EYA3: variants seen among roughly 807,000 people sequenced by gnomAD.
EYA3 encodes the protein EYA transcriptional coactivator and phosphatase 3, also known as protein phosphatase EYA3.
A neutral mutation model predicts 80.0 loss-of-function variants in EYA3; 39 were observed. That is an observed-to-expected ratio of 0.49 (90% confidence interval 0.38 to 0.64). EYA3 has a LOEUF of 0.64. Among genes scored for constraint, EYA3 ranks in the 30% least tolerant of loss-of-function variants. EYA3 has a pLI of 0.00. For missense variants in EYA3, 523 were observed against 676.1 expected (o/e 0.77, Z 2.51); for synonymous variants, 206 against 232.8 (o/e 0.88, Z 1.05).
intron 1 of EYA3, among the ~76,000 whole-genome samples, chr1:28,079,263 C>T (rs1027130085): frequency 6.6e-6 from 1 of 152,216 alleles, no homozygotes; most frequent in African/African-American, 2.4e-5. Context: ...GATATTTCTA[C>T]GCCCTTTCCC....
rs1638915757 is a variant in EYA3 at position 27,976,053 on chromosome 1, AAC to A, written c.1642-1509_1642-1508del. Among the ~76,000 whole-genome samples, 4 of 152,210 alleles carry A rather than the reference AAC, an allele frequency of 2.6e-5. No individual in the cohort carries two copies. The South Asian group carries it at 8.3e-4, about 32-fold the overall frequency. On this transcript the variant is annotated intron_variant, in intron 17 of 17. Coordinates refer to ENST00000373871, the MANE Select transcript of EYA3 (RefSeq NM_001990.4). ...GTTACTCAGAATATTGAGGTCCTAG[AAC>A]ACAGTTATTTTGGCATATACCCTAG...
chr1:28,056,718 T>C (rs907036828), intron 2 of EYA3, among the ~76,000 whole-genome samples: 7 of 152,198 alleles, frequency 4.6e-5, no homozygotes, highest in Admixed American at 6.5e-5. Context: ...GCAGAAGAGA[T>C]AGATGACTTG....
At chr1:28,075,943 T>C (rs1245872264) in intron 1 of EYA3, among the ~76,000 whole-genome samples, 4 of 152,182 alleles carry the variant, frequency 2.6e-5, no homozygotes, top group African/African-American at 9.7e-5. Flanking sequence ...ACATATCCAC[T>C]CAGAATCCTT....
chr1:28,023,523 C>T (rs1210607382), intron 7 of EYA3, among the ~76,000 whole-genome samples: 1 of 152,156 alleles, frequency 6.6e-6, no homozygotes, highest in Admixed American at 6.5e-5. Flanking sequence ...TGTGACCTTC[C>T]TCCTTAAAAT....
chr1:28,007,341 T>C lies in EYA3; in HGVS notation c.910-2922A>G, dbSNP rs182194761. Among the ~76,000 whole-genome samples, 285 of 149,004 alleles carry C rather than the reference T, an allele frequency of 1.9e-3. 2 individuals are homozygous for C. Among genetic ancestry groups the C allele is most frequent in the Admixed American group, 5.7e-3 (86 of 15,070 alleles). On this transcript the variant is annotated intron_variant, in intron 10 of 17. Transcript: ENST00000373871. ...GCTGTATTTCTTTCTTTCTTTCTTT[T>C]TTTTTTTTTTTCCGAGACAGTCTTG...
chr1:27,976,818 A>G (rs1248977192), intron 17 of EYA3, among the ~76,000 whole-genome samples: 3 of 152,134 alleles, frequency 2.0e-5, no homozygotes, highest in African/African-American at 7.2e-5. Flanking sequence ...TCAGGGTTCA[A>G]GCAATTCTTG....
chr1:28,069,667 G>A (rs1644956196), intron 1 of EYA3, among the ~76,000 whole-genome samples: 1 of 150,788 alleles, frequency 6.6e-6, no homozygotes, highest in Non-Finnish European at 1.5e-5. Flanking sequence ...AGGAAGAGAG[G>A]AGGGGGGAAA....
At chr1:27,986,772 G>A (rs1286407266) in intron 16 of EYA3, among the ~76,000 whole-genome samples, 6 of 151,660 alleles carry the variant, frequency 4.0e-5, no homozygotes, top group Non-Finnish European at 7.4e-5. Context: ...GTGCAATCTC[G>A]GCTCACTGCA....
rs1641658880 is a variant in EYA3, at chr1:28,011,055, C to A, written c.801G>T (p.Gln267His). The change falls in exon 10 of 18, where the codon CAG becomes CAT. Residue 267 changes from glutamine to histidine, a missense_variant. Gln to His is a conservative substitution (Grantham distance 24). Around this residue, in one of 2 missense-constraint regions of EYA3, gnomAD observed 304 missense variants for 343.3 expected, o/e 0.89. Coordinates refer to ENST00000373871, the MANE Select transcript of EYA3 (RefSeq NM_001990.4). ...CATCAGTATCTTTACTTGGTGTAGT[C>A]TGGGACAAAGATGGACTTGTAGAAG... Reference protein sequence around the residue: ...GDPSTSPSLSQTTPSKDTDDQ... With the variant: ...GDPSTSPSLSHTTPSKDTDDQ... The A allele has an allele frequency of 6.2e-7, 1 of 1,613,626 alleles. No individual in the cohort carries two copies. Among genetic ancestry groups the A allele is most frequent in the Non-Finnish European group, 8.5e-7 (1 of 1,179,878 alleles).
intron 2 of EYA3, among the ~76,000 whole-genome samples, chr1:28,053,688 A>T (rs1644349711): frequency 6.6e-6 from 1 of 152,246 alleles, no homozygotes; most frequent in African/African-American, 2.4e-5. Context: ...TGTTAACATA[A>T]TATGTAAAGA....
intron 2 of EYA3, among the ~76,000 whole-genome samples, chr1:28,052,162 C>T (rs1427834009): frequency 6.6e-6 from 1 of 152,124 alleles, no homozygotes; most frequent in African/African-American, 2.4e-5. Flanking sequence ...GTGCGTGCCA[C>T]CATGCCTGGC....
At chr1:28,076,809 C>T (rs1450409335) in intron 1 of EYA3, among the ~76,000 whole-genome samples, 8 of 141,510 alleles carry the variant, frequency 5.7e-5, no homozygotes, top group Non-Finnish European at 9.0e-5. Flanking sequence ...GGCGTGATCT[C>T]GGCTCACCTC....
At chr1:28,062,385 G>A (rs1449107466) in intron 1 of EYA3, among the ~76,000 whole-genome samples, 1 of 152,156 alleles carries the variant, frequency 6.6e-6, no homozygotes, top group African/African-American at 2.4e-5. Context: ...ATACTATTGA[G>A]ATTTTGCATG....
intron 16 of EYA3, among the ~76,000 whole-genome samples, chr1:27,981,763 C>CAA (rs373795075): frequency 8.3e-4 from 80 of 95,968 alleles, no homozygotes; most frequent in South Asian, 1.6e-3. Context: ...GACCCTGTCT[C>CAA]AAAAAAAAAA....
intron 16 of EYA3, among the ~76,000 whole-genome samples, chr1:27,983,562 C>T (rs1278706382): frequency 3.9e-5 from 6 of 152,168 alleles, no homozygotes; most frequent in Non-Finnish European, 8.8e-5. Context: ...TTTTGTTTTC[C>T]TCTTCGGCAA....
chr1:28,013,298 C>T lies in EYA3; in HGVS notation c.586-4G>A. The T allele has an allele frequency of 6.2e-7, 1 of 1,602,336 alleles. No homozygotes were observed. Among genetic ancestry groups the T allele is most frequent in the South Asian group, 1.1e-5 (1 of 89,456 alleles). On this transcript the variant is annotated splice_region_variant and splice_polypyrimidine_tract_variant and intron_variant, in intron 8 of 17. Transcript: ENST00000373871. This position sits in a 1 kb window ranked among gnomAD's most constrained non-coding sequence, Gnocchi z 4.0. ...GAATAGTATAGGTGGGATAATCCTG[C>T]AGGCCAAAGGAAATAAGAAAACAAG...
Position 27,996,185 on chromosome 1 carries a change from T to A in EYA3, c.1142+1135A>T, listed in dbSNP as rs147621201. Among the ~76,000 whole-genome samples, 452 of 152,338 alleles carry A rather than the reference T, an allele frequency of 3.0e-3. 6 individuals are homozygous for A. The highest frequency in any genetic ancestry group is 0.01 in the African/African-American group (427 of 41,582). ...ACTGCATCTGGCCATTTAACTGTTT[T>A]AAGGTACTAAACTCTGGAGTAATTT... On this transcript the variant is annotated intron_variant, in intron 13 of 17. Transcript: ENST00000373871.
At chr1:28,014,779 A>G (rs1315193500) in intron 8 of EYA3, among the ~76,000 whole-genome samples, 2 of 152,150 alleles carry the variant, frequency 1.3e-5, no homozygotes, top group African/African-American at 4.8e-5. Flanking sequence ...TTGGTTTCAT[A>G]GGCACATATA....
chr1:28,035,712 T>C, intron 5 of EYA3, 32 bp from the exon 6 acceptor site: 5 of 1,608,918 alleles, frequency 3.1e-6, no homozygotes, highest in Non-Finnish European at 4.2e-6. Context: ...AAAACTTTTG[T>C]GTGATTTACT....
Sources: gnomAD v4.1 joint callset for allele counts (sites outside exome capture counted in the v4.1 genomes callset) on GRCh38, gnomAD v4.1.1 for gene constraint, gnomAD v4.1.1 regional missense constraint, Gnocchi (gnomAD v3.1) non-coding constraint, MANE v1.5 for transcripts, NCBI Gene and HGNC (gene_info 2026-07-23, HGNC 2026-07-21) for gene names.